Variants in VGLL4 observed in about 807,000 individuals in gnomAD.
VGLL4 encodes transcription cofactor vestigial-like protein 4.
VGLL4 carries 7 observed loss-of-function variants against 21.0 expected under a neutral mutation model. The ratio of observed to expected loss-of-function variants is 0.33; its 90% confidence interval spans 0.19 to 0.63. VGLL4 has a LOEUF of 0.63. VGLL4 is among the 20% of genes least tolerant of loss of function. VGLL4 has a pLI of 0.78. For synonymous variants in VGLL4, 222 were observed against 173.2 expected, an observed-to-expected ratio of 1.28 and a Z score of -2.21; for missense variants, 394 against 425.7, an observed-to-expected ratio of 0.93 and a Z score of 0.66.
chr3:11,711,165 G>A (rs2076836629), intron 1 of VGLL4, among the ~76,000 whole-genome samples: 1 of 151,894 alleles, frequency 6.6e-6, no homozygotes, highest in African/African-American at 2.4e-5. Flanking sequence ...AGCACTTTGG[G>A]AGGCCGAGGT....
intron 2 of VGLL4, among the ~76,000 whole-genome samples, chr3:11,696,110 G>C (rs2076603295): frequency 6.6e-6 from 1 of 152,088 alleles, no homozygotes; most frequent in South Asian, 2.1e-4. Context: ...TGCACACACA[G>C]TTGCTAGAAA....
Position 11,565,153 on chromosome 3 carries a change from T to C in VGLL4, c.273-134A>G. The C allele has an allele frequency of 1.1e-6, 1 of 921,606 alleles. No homozygotes were observed. Among genetic ancestry groups the C allele is most frequent in the Non-Finnish European group, 1.5e-6 (1 of 679,074 alleles). The allele number at this position is 921,606 out of a possible 1,614,324, so 57.1% of individuals were successfully genotyped here. A position where few individuals can be genotyped will look rare whatever the true frequency, so the allele number is the denominator to read the frequency against. On this transcript the variant is annotated intron_variant, in intron 2 of 4. Transcript: ENST00000430365. The surrounding 1 kb of genome is among the most constrained non-coding windows in gnomAD (Gnocchi z 4.1). Reference sequence around the variant, plus strand: ...CAGGTCGTGTGGCTGGGCAGCACGATGAGGAGCCGGTTGCCAGCCCGGGTC... The same window carrying C: ...CAGGTCGTGTGGCTGGGCAGCACGACGAGGAGCCGGTTGCCAGCCCGGGTC...
intron 2 of VGLL4, among the ~76,000 whole-genome samples, chr3:11,576,804 C>A (rs1056032062): frequency 6.6e-6 from 1 of 152,184 alleles, no homozygotes; most frequent in Non-Finnish European, 1.5e-5. Flanking sequence ...CCACTGCCTC[C>A]GATGCCCGCC....
At chr3:11,591,890 A>G (rs988684361) in intron 2 of VGLL4, among the ~76,000 whole-genome samples, 1 of 152,262 alleles carries the variant, frequency 6.6e-6, no homozygotes, top group South Asian at 2.1e-4. Flanking sequence ...AAGTGGGGGG[A>G]TGCTAAAGAA....
At chr3:11,581,974 T>A (rs887513370) in intron 2 of VGLL4, among the ~76,000 whole-genome samples, 1 of 152,184 alleles carries the variant, frequency 6.6e-6, no homozygotes, top group Non-Finnish European at 1.5e-5. Flanking sequence ...CAATCACTAG[T>A]GTGCCTTAAC....
chr3:11,578,845 G>A (rs2125218802), intron 2 of VGLL4, among the ~76,000 whole-genome samples: 1 of 142,590 alleles, frequency 7.0e-6, no homozygotes, highest in South Asian at 2.2e-4. Context: ...CACCTCCCAG[G>A]TTCACGCCAT....
chr3:11,601,571 GGA>G (rs2074798519), intron 2 of VGLL4, among the ~76,000 whole-genome samples: 1 of 152,174 alleles, frequency 6.6e-6, no homozygotes, highest in African/African-American at 2.4e-5. Context: ...AGCTCTAAGG[GGA>G]CATTAACTTC....
intron 1 of VGLL4, among the ~76,000 whole-genome samples, chr3:11,625,751 C>CAT (rs2075341328): frequency 2.0e-5 from 3 of 151,874 alleles, no homozygotes; most frequent in African/African-American, 7.3e-5. Context: ...GTGGTACAGC[C>CAT]ATACAAGGAA....
At chr3:11,600,584 G>A (rs1028360044) in intron 2 of VGLL4, among the ~76,000 whole-genome samples, 1 of 152,138 alleles carries the variant, frequency 6.6e-6, no homozygotes, top group African/African-American at 2.4e-5. Flanking sequence ...CTCAGCCTCT[G>A]ACTAACACTG....
At chr3:11,610,945 G>A (rs575927177) in intron 1 of VGLL4, among the ~76,000 whole-genome samples, 1 of 152,336 alleles carries the variant, frequency 6.6e-6, no homozygotes, top group East Asian at 1.9e-4. Context: ...TGCAGCCGGG[G>A]AAACTAGTGT....
chr3:11,706,619 A>T (rs1428789257), intron 1 of VGLL4, among the ~76,000 whole-genome samples: 2 of 152,200 alleles, frequency 1.3e-5, no homozygotes, highest in Non-Finnish European at 2.9e-5. Context: ...TGTTTCAAAA[A>T]GCCACTTGGA....
chr3:11,566,447 A>G (rs956652066), intron 2 of VGLL4, among the ~76,000 whole-genome samples: 1 of 152,188 alleles, frequency 6.6e-6, no homozygotes, highest in African/African-American at 2.4e-5. Flanking sequence ...TCCATTCCAG[A>G]GCAATCTCTT....
chr3:11,610,347 G>T (rs894811304), intron 1 of VGLL4: 1 of 152,196 alleles, frequency 6.6e-6, no homozygotes, highest in Admixed American at 6.5e-5. Context: ...TCAACTTGTG[G>T]CTAGCCCCAT....
At position 11,678,648 on chromosome 3, in the gene VGLL4, G is replaced by A. The variant is rs188096645; in HGVS notation, c.64+24323C>T. Among the ~76,000 whole-genome samples, 521 of 152,184 alleles carry A rather than the reference G, an allele frequency of 3.4e-3. 1 individual carries two copies. The highest frequency in any genetic ancestry group is 6.8e-3 in the South Asian group (33 of 4,824). ...GTCGAGGCTGCAGTGAGCCATGATC[G>A]CACCACGGCACTACAGCCTGGGCAA... On this transcript the variant is annotated intron_variant, in intron 2 of 5. Transcript: ENST00000273038.
rs558137092 is a variant in VGLL4 at position 11,556,416 on chromosome 3, G to A, written c.*2140C>T. Reference sequence around the variant, plus strand: ...CACCGCCGACCCCTCCCAGAGTGACGCCCTTGTTCACTGACAAAGAGACCT... The same window carrying A: ...CACCGCCGACCCCTCCCAGAGTGACACCCTTGTTCACTGACAAAGAGACCT... On this transcript the variant is annotated 3_prime_UTR_variant, in exon 5 of 5. Coordinates refer to ENST00000430365, the MANE Select transcript of VGLL4 (RefSeq NM_001128219.3). The A allele has an allele frequency of 3.8e-4, 58 of 152,876 alleles. No individual in the cohort carries two copies. The highest frequency in any genetic ancestry group is 1.1e-3 in the African/African-American group (45 of 41,534). 9.5% of individuals were successfully genotyped at this position (152,876 alleles called of 1,614,324 possible). A position where few individuals can be genotyped will look rare whatever the true frequency, so the allele number is the denominator to read the frequency against.
chr3:11,646,097 A>G (rs910561533), upstream of VGLL4, among the ~76,000 whole-genome samples: 1 of 152,236 alleles, frequency 6.6e-6, no homozygotes, highest in Non-Finnish European at 1.5e-5. Flanking sequence ...TCAAGATTTC[A>G]CAAGCTTTCA....
intron 2 of VGLL4, among the ~76,000 whole-genome samples, chr3:11,677,041 T>C (rs2076301246): frequency 6.6e-6 from 1 of 152,258 alleles, no homozygotes; most frequent in Admixed American, 6.5e-5. Context: ...CATGCATTTA[T>C]GGCAGAGTTA....
rs554108936 is a variant in VGLL4, at chr3:11,566,109, C to T, written c.273-1090G>A. Among the ~76,000 whole-genome samples, 20 of 152,368 alleles carry T rather than the reference C, an allele frequency of 1.3e-4. No homozygotes were observed. The East Asian group carries it at 1.5e-3, about 12-fold the overall frequency. ...GCCTAGGCCTGCCCTGGTGAAGCAG[C>T]AGCCACAGCCCCCGTCCCGGACTGG... On this transcript the variant is annotated intron_variant, in intron 2 of 4. Transcript: ENST00000430365.
intron 2 of VGLL4, among the ~76,000 whole-genome samples, chr3:11,664,620 G>C (rs970502581): frequency 2.0e-5 from 3 of 152,182 alleles, no homozygotes; most frequent in Non-Finnish European, 4.4e-5. Context: ...GCTGAATAAC[G>C]TGGGACTGTG....
Sources: allele counts gnomAD v4.1 joint callset (sites outside exome capture counted in the v4.1 genomes callset), GRCh38; gene constraint gnomAD v4.1.1; non-coding constraint Gnocchi (gnomAD v3.1); transcripts MANE v1.5; gene names NCBI Gene and HGNC (gene_info 2026-07-23, HGNC 2026-07-21).